CHRNB2: variants seen among roughly 807,000 people sequenced by gnomAD.
CHRNB2 encodes neuronal acetylcholine receptor subunit beta-2.
A neutral mutation model predicts 42.7 loss-of-function variants in CHRNB2; 33 were observed. That is an observed-to-expected ratio of 0.77 (90% confidence interval 0.59 to 1.03). CHRNB2 has a LOEUF of 1.03. CHRNB2 is among the 50% of genes least tolerant of loss of function. CHRNB2 has a pLI of 0.00. For synonymous variants in CHRNB2, 325 were observed against 292.9 expected (o/e 1.11, Z -1.12); for missense variants, 603 against 700.9 (o/e 0.86, Z 1.58).
intron 5 of CHRNB2, 120 bp from the exon 6 acceptor site, chr1:154,575,642 A>G: frequency 1.9e-6 from 2 of 1,047,494 alleles, no homozygotes; most frequent in Non-Finnish European, 3.0e-6. Context: ...TAACAAGATC[A>G]TTCTGGGATC....
rs765428561 is a variant in CHRNB2, at chr1:154,571,666, G to T, written c.843G>T (p.Leu281=). 2.5e-6 allele frequency: 4 copies of T among 1,614,174 alleles called. No homozygotes were observed. The South Asian group carries it at 4.4e-5, about 18-fold the overall frequency. ...SVLLALTVFL[L]LISKIVPPTS... is the part of the protein sequence containing the mutation. The stretch of plus-strand genomic sequence containing the variant: ...TGCTGGCGCTCACGGTCTTCCTGCT[G>T]CTCATCTCCAAGATCGTGCCTCCCA... Residue 281 remains leucine, a synonymous_variant, in exon 5 of 6, where the codon CTG becomes CTT. Transcript: ENST00000368476. This position sits in a 1 kb window ranked among gnomAD's most constrained non-coding sequence, Gnocchi z 6.8.
In CHRNB2 at chr1:154,568,124, G is replaced by C. The variant is rs756649646; in HGVS notation, c.64+16G>C. 1.3e-6 allele frequency: 2 copies of C among 1,593,768 alleles called. No individual in the cohort carries two copies. Among genetic ancestry groups the C allele is most frequent in the African/African-American group, 2.7e-5 (2 of 74,556 alleles). ...CTGTGCTCAGGTAAGGGAAAGACGGGCACTGGCCAGGTTCTCCTACCCCAG... is the reference window on the plus strand; with the variant it reads ...CTGTGCTCAGGTAAGGGAAAGACGGCCACTGGCCAGGTTCTCCTACCCCAG... On this transcript the variant is annotated intron_variant, in intron 1 of 5. Transcript: ENST00000368476.
At position 154,570,970 on chromosome 1, in the gene CHRNB2, A is replaced by C. The variant is rs554208667; in HGVS notation, c.366-219A>C. Among the ~76,000 whole-genome samples, 4 of 151,124 alleles carry C rather than the reference A, an allele frequency of 2.6e-5. No homozygotes were observed. In the South Asian group the frequency reaches 8.4e-4, roughly 32 times the overall value. ...TGCAAGGTGTCACACAGGCCTTCTG[A>C]CCAGGACACTTCTTCTGGTCACTAA... On this transcript the variant is annotated intron_variant, in intron 4 of 5. Coordinates refer to ENST00000368476, the MANE Select transcript of CHRNB2 (RefSeq NM_000748.3).
chr1:154,569,664 T>C, intron 2 of CHRNB2, 57 bp downstream of exon 2: 1 of 1,613,412 alleles, frequency 6.2e-7, no homozygotes, highest in Non-Finnish European at 8.5e-7. Context: ...CGCCAAAATG[T>C]GTTAATGCTT....
At position 154,573,732 on chromosome 1, in the gene CHRNB2, G is replaced by A. The variant is rs545632744; in HGVS notation, c.1338+1571G>A. 2.0e-5 allele frequency among the ~76,000 whole-genome samples: 3 copies of A among 152,176 alleles called. No individual in the cohort carries two copies. In the East Asian group the frequency reaches 5.8e-4, roughly 29 times the overall value. ...CCTTTCCCTCCTTGCCCAGGTCACT[G>A]GTCACTGGCTTATCTTTTATTTATT... is the stretch of plus-strand genomic sequence containing the variant. On this transcript the variant is annotated intron_variant, in intron 5 of 5. Coordinates refer to ENST00000368476, the MANE Select transcript of CHRNB2 (RefSeq NM_000748.3).
rs772270570 is a variant in CHRNB2 at position 154,575,836 on chromosome 1, C to T, written c.1413C>T (p.Val471=). Residue 471 remains valine, a synonymous_variant, in exon 6 of 6, where the codon GTC becomes GTT. Coordinates refer to ENST00000368476, the MANE Select transcript of CHRNB2 (RefSeq NM_000748.3). ...LFLWIFVFVC[V]FGTIGMFLQP... The stretch of plus-strand genomic sequence containing the variant: ...TCTGGATCTTTGTCTTTGTCTGTGT[C>T]TTTGGCACCATCGGCATGTTCCTGC... The T allele has an allele frequency of 3.1e-6, 5 of 1,614,040 alleles. No homozygotes were observed. In the African/African-American group the frequency reaches 6.7e-5, roughly 22 times the overall value.
chr1:154,579,624 A>C lies in CHRNB2; in HGVS notation c.*3692A>C, dbSNP rs1696351758. The C allele has an allele frequency of 6.6e-6, 1 of 152,300 alleles. No homozygotes were observed. The highest frequency in any genetic ancestry group is 2.4e-5 in the African/African-American group (1 of 41,420). The allele number at this position is 152,300 out of a possible 1,614,324, so 9.4% of individuals were successfully genotyped here. ...AGACTCCCATTCACCGACCTTGACT[A>C]GACAGCGAACAGCCACCTTTTAGTA... On this transcript the variant is annotated 3_prime_UTR_variant, in exon 6 of 6. Transcript: ENST00000368476.
Position 154,570,364 on chromosome 1 carries a change from A to G in CHRNB2, c.362A>G (p.Asn121Ser), listed in dbSNP as rs768736427. Residue 121 changes from asparagine to serine, a missense_variant, in exon 4 of 6, where the codon AAC (asparagine) becomes AGC (serine). This residue lies in a region of CHRNB2 where 333 missense variants were observed against 452.6 expected (regional missense o/e 0.74). Coordinates refer to ENST00000368476, the MANE Select transcript of CHRNB2 (RefSeq NM_000748.3). ...TGGCTCCCAGATGTGGTCCTGTACA[A>G]CAAGTAGGTGCAATGGGAAGGTTGG... ...HIWLPDVVLY[N>S]NADGMYEVSF... 1.9e-6 allele frequency: 3 copies of G among 1,591,468 alleles called. No individual in the cohort carries two copies. The highest frequency in any genetic ancestry group is 2.2e-5 in the South Asian group (2 of 89,686).
intron 1 of CHRNB2, 26 bp downstream of exon 1, chr1:154,568,134 G>C: frequency 6.3e-7 from 1 of 1,587,188 alleles, no homozygotes; most frequent in Non-Finnish European, 8.6e-7. Flanking sequence ...GCACTGGCCA[G>C]GTTCTCCTAC....
intron 3 of CHRNB2, 72 bp downstream of exon 3, chr1:154,569,908 T>A: frequency 6.4e-7 from 1 of 1,556,436 alleles, no homozygotes. Context: ...TGTGCTTTTT[T>A]CTTTCTTAAT....
chr1:154,571,702 C>T lies in CHRNB2; in HGVS notation c.879C>T (p.Asp293=). Residue 293 remains aspartate, a synonymous_variant, in exon 5 of 6, where the codon GAC becomes GAT. Transcript: ENST00000368476. This position sits in a 1 kb window ranked among gnomAD's most constrained non-coding sequence, Gnocchi z 6.8. ...AGATCGTGCCTCCCACCTCCCTCGA[C>T]GTGCCGCTCGTCGGCAAGTACCTCA... ...ISKIVPPTSL[D]VPLVGKYLMF... is the part of the protein sequence containing the mutation. 6.2e-7 allele frequency: 1 copy of T among 1,612,390 alleles called. No individual in the cohort carries two copies. Among genetic ancestry groups the T allele is most frequent in the South Asian group, 1.1e-5 (1 of 90,772 alleles).
intron 3 of CHRNB2, 118 bp downstream of exon 3, chr1:154,569,954 T>G: frequency 8.5e-7 from 1 of 1,172,850 alleles, no homozygotes; most frequent in South Asian, 1.3e-5. Flanking sequence ...GAGTTTGGAG[T>G]CCTAAACAAT....
intron 1 of CHRNB2, 68 bp downstream of exon 1, chr1:154,568,176 T>C (rs1696096293): frequency 6.6e-7 from 1 of 1,515,656 alleles, no homozygotes; most frequent in Non-Finnish European, 9.0e-7. Context: ...CGCCGCCCTC[T>C]GACTCACCCC....
Position 154,569,363 on chromosome 1 carries a change from A to T in CHRNB2, c.65-99A>T, listed in dbSNP as rs8192484. On this transcript the variant is annotated intron_variant, in intron 1 of 5. Coordinates refer to ENST00000368476, the MANE Select transcript of CHRNB2 (RefSeq NM_000748.3). The stretch of plus-strand genomic sequence containing the variant: ...AGTATCCTTAGGGATGTAGGGAGAT[A>T]CTGGTTGGGCCTGGATTGTCCCATT... 26,866 of 1,402,714 alleles carry T rather than the reference A, an allele frequency of 0.019. 327 individuals carry two copies. Among genetic ancestry groups the T allele is most frequent in the Middle Eastern group, 0.039 (160 of 4,076 alleles). 86.9% of individuals were successfully genotyped at this position (1,402,714 alleles called of 1,614,324 possible).
chr1:154,575,426 A>G lies in CHRNB2; in HGVS notation c.1339-336A>G, dbSNP rs143925535. ...TGCACCAGGTAGAGAAAGGGAGCTC[A>G]GGATTTCCAGACACAAAGGAAACCC... On this transcript the variant is annotated intron_variant, in intron 5 of 5. Coordinates refer to ENST00000368476, the MANE Select transcript of CHRNB2 (RefSeq NM_000748.3). 3.7e-4 allele frequency among the ~76,000 whole-genome samples: 57 copies of G among 152,334 alleles called. No individual in the cohort carries two copies. The East Asian group carries it at 9.2e-3, about 25-fold the overall frequency.
At chr1:154,570,236 G>A (rs764122679) in intron 3 of CHRNB2, 22 bp from the exon 4 acceptor site, 4 of 1,535,894 alleles carry the variant, frequency 2.6e-6, no homozygotes, top group Non-Finnish European at 3.6e-6. Flanking sequence ...AGTTGGTACT[G>A]CCTCCCTCTC....
In CHRNB2 at chr1:154,571,858, G is replaced by A. The variant is rs778458803; in HGVS notation, c.1035G>A (p.Ala345=). 2.5e-6 allele frequency: 4 copies of A among 1,607,928 alleles called. No individual in the cohort carries two copies. The African/African-American group carries it at 5.3e-5, about 21-fold the overall frequency. The part of the protein sequence containing the change: ...VKVVFLEKLP[A]LLFMQQPRHH... ...TCGTCTTCCTGGAGAAGCTGCCCGC[G>A]CTGCTCTTCATGCAGCAGCCACGCC... Residue 345 remains alanine (A), a synonymous_variant, in exon 5 of 6, where the codon GCG becomes GCA. Transcript: ENST00000368476. The surrounding 1 kb of genome is among the most constrained non-coding windows in gnomAD (Gnocchi z 6.8).
intron 3 of CHRNB2, among the ~76,000 whole-genome samples, 195 bp from the exon 4 acceptor site, chr1:154,570,063 A>G (rs1203677134): frequency 1.3e-5 from 2 of 152,184 alleles, no homozygotes; most frequent in African/African-American, 2.4e-5. Context: ...CTAATACTGT[A>G]CCTTGGCCTA....
chr1:154,568,206 A>G (rs2149365810), intron 1 of CHRNB2, 98 bp downstream of exon 1: 7 of 1,401,852 alleles, frequency 5.0e-6, no homozygotes, highest in South Asian at 2.5e-5. Flanking sequence ...GGAAGGTGGA[A>G]GAAGGGATTC....
Sources: gnomAD v4.1 joint callset for allele counts (sites outside exome capture counted in the v4.1 genomes callset) on GRCh38, gnomAD v4.1.1 for gene constraint, gnomAD v4.1.1 regional missense constraint, Gnocchi (gnomAD v3.1) non-coding constraint, MANE v1.5 for transcripts, NCBI Gene and HGNC (gene_info 2026-07-23, HGNC 2026-07-21) for gene names.